Variants in SUGCT observed in about 807,000 individuals in gnomAD.
SUGCT encodes the protein succinyl-CoA:glutarate CoA-transferase.
SUGCT carries 41 observed loss-of-function variants against 55.0 expected under a neutral mutation model. The ratio of observed to expected loss-of-function variants is 0.74; its 90% CI spans 0.58 to 0.97. SUGCT has a LOEUF of 0.97. Among genes scored for constraint, SUGCT ranks in the 50% least tolerant of loss-of-function variants. SUGCT has a pLI of 0.00. For synonymous variants in SUGCT, 187 were observed against 200.4 expected (o/e 0.93, Z 0.56); for missense variants, 568 against 547.8 (o/e 1.04, Z -0.37).
In SUGCT at chr7:40,459,082, A is replaced by T. The variant is rs372994618; in HGVS notation, c.889-19A>T. The T allele has an allele frequency of 1.3e-6, 2 of 1,556,134 alleles. No homozygotes were observed. On this transcript the variant is annotated intron_variant, in intron 10 of 13. Coordinates refer to ENST00000335693, the MANE Select transcript of SUGCT (RefSeq NM_001193313.2). ...GAACTACCTATTTCTTATACTGGAA[A>T]ATTATTTTTTTCTTTTAGATCTTGG...
At chr7:41,017,437 T>G in the SUGCT span, among the ~76,000 whole-genome samples, 1 of 152,172 alleles carries the variant, frequency 6.6e-6, no homozygotes, top group African/African-American at 2.4e-5. Context: ...ATCAAGGATA[T>G]CAAAGAAACA....
At chr7:40,901,775 G>T in the SUGCT span, among the ~76,000 whole-genome samples, 2 of 152,148 alleles carry the variant, frequency 1.3e-5, no homozygotes, top group South Asian at 2.1e-4. Flanking sequence ...ATTGAATTAC[G>T]GTCTTAAAAA....
chr7:40,636,633 C>G (rs1344590006), intron 12 of SUGCT, among the ~76,000 whole-genome samples: 1 of 151,984 alleles, frequency 6.6e-6, no homozygotes, highest in Admixed American at 6.6e-5. Context: ...GCAGGATGCA[C>G]GGGGAGCTTG....
intron 13 of SUGCT, among the ~76,000 whole-genome samples, chr7:40,828,420 A>G (rs1347532190): frequency 6.6e-6 from 1 of 152,124 alleles, no homozygotes; most frequent in African/African-American, 2.4e-5. Context: ...ATAGCTTTGC[A>G]GTTAAGGAAT....
At chr7:40,435,945 CTTT>C (rs11297778) in intron 9 of SUGCT, among the ~76,000 whole-genome samples, 7 of 114,558 alleles carry the variant, frequency 6.1e-5, no homozygotes, top group Admixed American at 2.9e-4. Context: ...CTTTTCTTTT[CTTT>C]TTTTTTTTTT....
the SUGCT span, among the ~76,000 whole-genome samples, chr7:40,898,873 G>T: frequency 6.6e-6 from 1 of 152,028 alleles, no homozygotes; most frequent in Non-Finnish European, 1.5e-5. Context: ...ATAGTTCCTA[G>T]ATCAGGGACA....
intron 6 of SUGCT, among the ~76,000 whole-genome samples, chr7:40,225,530 G>A (rs1365412453): frequency 5.3e-5 from 8 of 151,086 alleles, no homozygotes; most frequent in East Asian, 1.9e-4. Context: ...TCTGCCTGCC[G>A]GGTATAAGCG....
chr7:40,611,823 A>G (rs140148655), intron 12 of SUGCT, among the ~76,000 whole-genome samples: 208 of 152,302 alleles, frequency 1.4e-3, no homozygotes, highest in African/African-American at 4.8e-3. Flanking sequence ...ACTGAGACAT[A>G]GACAGGTTAA....
chr7:40,354,327 C>T (rs943317819), intron 9 of SUGCT, among the ~76,000 whole-genome samples: 4 of 152,054 alleles, frequency 2.6e-5, no homozygotes, highest in Admixed American at 6.6e-5. Flanking sequence ...GAGGGATGGA[C>T]GGAGAGGTGG....
At chr7:40,728,947 T>TTA (rs2128693452) in intron 12 of SUGCT, among the ~76,000 whole-genome samples, 1 of 152,332 alleles carries the variant, frequency 6.6e-6, no homozygotes, top group Non-Finnish European at 1.5e-5. Flanking sequence ...TATAATCATC[T>TTA]CAATATCCTT....
intron 12 of SUGCT, among the ~76,000 whole-genome samples, chr7:40,533,344 G>C (rs1399017667): frequency 2.6e-5 from 4 of 151,896 alleles, no homozygotes; most frequent in African/African-American, 4.8e-5. Context: ...ATATAAACAA[G>C]CTTAGTAATA....
chr7:40,684,499 C>G (rs1013215405), intron 12 of SUGCT, among the ~76,000 whole-genome samples: 2 of 152,186 alleles, frequency 1.3e-5, no homozygotes, highest in African/African-American at 4.8e-5. Flanking sequence ...TGAAAAACAG[C>G]ATAACCTTGT....
At chr7:40,544,841 G>T (rs538743706) in intron 12 of SUGCT, among the ~76,000 whole-genome samples, 4 of 152,130 alleles carry the variant, frequency 2.6e-5, no homozygotes, top group Admixed American at 1.3e-4. Flanking sequence ...CATGGTGTTC[G>T]TTATTCAATA....
chr7:40,865,159 C>A (rs1794557159), downstream of SUGCT, among the ~76,000 whole-genome samples: 1 of 152,022 alleles, frequency 6.6e-6, no homozygotes, highest in Non-Finnish European at 1.5e-5. Flanking sequence ...CCCTCCTCCT[C>A]TCTTTTCTCC....
chr7:40,739,822 A>G (rs758046964), intron 12 of SUGCT, among the ~76,000 whole-genome samples: 2 of 152,168 alleles, frequency 1.3e-5, no homozygotes, highest in Non-Finnish European at 2.9e-5. Context: ...TAGCAGTTAT[A>G]TAGTATATCT....
intron 9 of SUGCT, among the ~76,000 whole-genome samples, chr7:40,431,908 A>G (rs138986316): frequency 5.6e-4 from 86 of 152,242 alleles, no homozygotes; most frequent in African/African-American, 2.0e-3. Context: ...TAATTGTAAT[A>G]GTTTCTTTTA....
At chr7:40,610,187 G>C (rs183386523) in intron 12 of SUGCT, among the ~76,000 whole-genome samples, 1 of 152,212 alleles carries the variant, frequency 6.6e-6, no homozygotes, top group South Asian at 2.1e-4. Context: ...CTCTGGAAGG[G>C]AAGTGTGAAG....
chr7:40,884,237 T>G, the SUGCT span, among the ~76,000 whole-genome samples: 1 of 152,238 alleles, frequency 6.6e-6, no homozygotes, highest in Non-Finnish European at 1.5e-5. Context: ...CCTCAGCTGC[T>G]GGCATAGTGG....
the SUGCT span, among the ~76,000 whole-genome samples, chr7:41,012,913 AT>A: frequency 4.6e-3 from 707 of 152,142 alleles, 4 homozygotes; most frequent in African/African-American, 0.016. Flanking sequence ...ATATTTCCAC[AT>A]TCAGAACTCT....
Sources: gnomAD v4.1 joint callset for allele counts (sites outside exome capture counted in the v4.1 genomes callset) on GRCh38, gnomAD v4.1.1 for gene constraint, MANE v1.5 for transcripts, NCBI Gene and HGNC (gene_info 2026-07-23, HGNC 2026-07-21) for gene names.